SSBP2: variants seen among roughly 807,000 people sequenced by gnomAD.
The protein encoded by SSBP2 is single stranded DNA binding protein 2, also known as single-stranded DNA-binding protein 2.
In SSBP2, 17 loss-of-function variants were observed where a neutral mutation model predicts 61.8. The observed-to-expected ratio is 0.28, with a 90% CI of 0.19 to 0.41. The LOEUF (loss-of-function observed/expected upper bound fraction) is 0.41. SSBP2 is among the 10% of genes least tolerant of loss of function. The pLI, the probability that SSBP2 is intolerant of heterozygous loss-of-function variation, is 1.00. For missense variants in SSBP2, 310 were observed against 458.7 expected, an observed-to-expected ratio of 0.68 and a Z score of 2.96; for synonymous variants, 139 against 141.3, an observed-to-expected ratio of 0.98 and a Z score of 0.12.
At chr5:81,575,960 C>G (rs752011057) in intron 4 of SSBP2, among the ~76,000 whole-genome samples, 10 of 152,110 alleles carry the variant, frequency 6.6e-5, no homozygotes, top group Non-Finnish European at 1.0e-4. Context: ...GCATTATTGT[C>G]AATTCAATGC....
At chr5:81,422,098 C>G (rs1331893742) in intron 16 of SSBP2, among the ~76,000 whole-genome samples, 1 of 152,082 alleles carries the variant, frequency 6.6e-6, no homozygotes, top group Non-Finnish European at 1.5e-5. Context: ...TTTCAACATG[C>G]TAATAACAAT....
At chr5:81,659,213 AG>A (rs973382452) in intron 1 of SSBP2, among the ~76,000 whole-genome samples, 6 of 152,300 alleles carry the variant, frequency 3.9e-5, no homozygotes, top group African/African-American at 1.4e-4. Flanking sequence ...ATAGGAAGAG[AG>A]GAAGTCAAAT....
intron 9 of SSBP2, 109 bp from the exon 10 acceptor site, chr5:81,461,212 C>CCAAACTAGAACTGCA: frequency 1.3e-6 from 1 of 772,346 alleles, no homozygotes; most frequent in Non-Finnish European, 1.9e-6. Flanking sequence ...CTATGCAGTT[C>CCAAACTAGAACTGCA]TAGTTTGGCA....
At chr5:81,661,473 T>TC (rs1012817846) in intron 1 of SSBP2, among the ~76,000 whole-genome samples, 2 of 152,096 alleles carry the variant, frequency 1.3e-5, no homozygotes, top group Non-Finnish European at 2.9e-5. Flanking sequence ...ACCAACAGTG[T>TC]ACAATGGTTC....
chr5:81,565,610 T>A (rs58598130), intron 4 of SSBP2, among the ~76,000 whole-genome samples: 1 of 152,168 alleles, frequency 6.6e-6, no homozygotes, highest in Non-Finnish European at 1.5e-5. Flanking sequence ...ACTTCCATTA[T>A]AGAATTATCA....
In SSBP2 at chr5:81,415,300, G is replaced by C. The variant is rs1182006326; in HGVS notation, c.*5204C>G. On this transcript the variant is annotated 3_prime_UTR_variant, in exon 17 of 17. Transcript: ENST00000320672. ...CTACAGTTGTCCCTCCGTATCCAAG[G>C]GAGACCGGTTCCAGGACCTCTGCAG... 6.6e-6 allele frequency: 1 copy of C among 152,150 alleles called. No homozygotes were observed. The highest frequency in any genetic ancestry group is 1.5e-5 in the Non-Finnish European group (1 of 68,038). 9.4% of individuals were successfully genotyped at this position (152,150 alleles called of 1,614,324 possible).
At chr5:81,455,007 GA>G (rs1764036406) in intron 10 of SSBP2, among the ~76,000 whole-genome samples, 1 of 152,002 alleles carries the variant, frequency 6.6e-6, no homozygotes, top group Non-Finnish European at 1.5e-5. Flanking sequence ...AAGGAAGAGT[GA>G]AAAAAACAAA....
intron 1 of SSBP2, among the ~76,000 whole-genome samples, chr5:81,720,058 G>A (rs1032050270): frequency 6.6e-6 from 1 of 152,044 alleles, no homozygotes; most frequent in South Asian, 2.1e-4. Flanking sequence ...TAGTCTGCCC[G>A]CAAGCCAGCA....
chr5:81,477,921 A>C (rs542116513), intron 6 of SSBP2, among the ~76,000 whole-genome samples: 37 of 152,182 alleles, frequency 2.4e-4, no homozygotes, highest in Non-Finnish European at 4.4e-4. Context: ...AGAAGATAAA[A>C]GATTTAATTC....
At chr5:81,482,140 C>T (rs1301798482) in intron 6 of SSBP2, among the ~76,000 whole-genome samples, 3 of 152,066 alleles carry the variant, frequency 2.0e-5, no homozygotes, top group Non-Finnish European at 4.4e-5. Flanking sequence ...GATGGGGTTT[C>T]ACCATGTTGG....
intron 1 of SSBP2, among the ~76,000 whole-genome samples, chr5:81,704,391 C>T (rs1391994275): frequency 6.6e-6 from 1 of 152,166 alleles, no homozygotes; most frequent in Non-Finnish European, 1.5e-5. Flanking sequence ...CATAAAAACC[C>T]ACTAGTTCCC....
intron 15 of SSBP2, among the ~76,000 whole-genome samples, chr5:81,437,145 T>C (rs1343076424): frequency 6.6e-6 from 1 of 151,298 alleles, no homozygotes; most frequent in African/African-American, 2.4e-5. Context: ...ATAAGTAACA[T>C]CTTAATGTGA....
In SSBP2 at chr5:81,672,740, T is replaced by A. The variant is rs560594061; in HGVS notation, c.63-22401A>T. ...GTGCCTGCCACCACATCCAGCTAAT[T>A]TTTTTGTATTTTTAGTAGAGACGGG... On this transcript the variant is annotated intron_variant, in intron 1 of 16. Transcript: ENST00000320672. 2.7e-3 allele frequency among the ~76,000 whole-genome samples: 413 copies of A among 151,662 alleles called. 1 individual carries two copies. Among genetic ancestry groups the A allele is most frequent in the African/African-American group, 9.5e-3 (392 of 41,386 alleles).
intron 4 of SSBP2, among the ~76,000 whole-genome samples, chr5:81,607,924 CA>C (rs1455242497): frequency 6.6e-6 from 1 of 152,118 alleles, no homozygotes; most frequent in Admixed American, 6.5e-5. Flanking sequence ...TACTGGGTTA[CA>C]GAACATAACA....
At position 81,676,872 on chromosome 5, in the gene SSBP2, A is replaced by G. The variant is rs372710493; in HGVS notation, c.63-26533T>C. ...TAGATGTTAGTGGAAAGAAGAAAGG[A>G]AGGGAAGAAAGGGAAAAGGAAAGAA... On this transcript the variant is annotated intron_variant, in intron 1 of 16. Transcript: ENST00000320672. Among the ~76,000 whole-genome samples, 3 of 152,304 alleles carry G rather than the reference A, an allele frequency of 2.0e-5. No homozygotes were observed. The East Asian group carries it at 5.8e-4, about 29-fold the overall frequency.
intron 1 of SSBP2, among the ~76,000 whole-genome samples, chr5:81,717,949 T>G (rs925154530): frequency 6.6e-6 from 1 of 152,154 alleles, no homozygotes; most frequent in Admixed American, 6.5e-5. Context: ...AAACAAATGT[T>G]GTCAATATAC....
intron 5 of SSBP2, among the ~76,000 whole-genome samples, chr5:81,507,985 A>G (rs1768309606): frequency 6.6e-6 from 1 of 152,178 alleles, no homozygotes. Flanking sequence ...CTGCCTATTT[A>G]TATTGCAGGA....
At chr5:81,612,283 G>A (rs919820433) in intron 4 of SSBP2, among the ~76,000 whole-genome samples, 1 of 152,120 alleles carries the variant, frequency 6.6e-6, no homozygotes, top group Non-Finnish European at 1.5e-5. Context: ...CATAAGAAAT[G>A]CTAAATGCCT....
intron 2 of SSBP2, among the ~76,000 whole-genome samples, chr5:81,644,626 T>G (rs1267776463): frequency 6.6e-6 from 1 of 152,124 alleles, no homozygotes; most frequent in Non-Finnish European, 1.5e-5. Flanking sequence ...CCCTCAACCT[T>G]AAGTGAGAAT....
Sources: allele counts gnomAD v4.1 joint callset (sites outside exome capture counted in the v4.1 genomes callset), GRCh38; gene constraint gnomAD v4.1.1; transcripts MANE v1.5; gene names NCBI Gene and HGNC (gene_info 2026-07-23, HGNC 2026-07-21).